Variants in ITPR1 observed in about 807,000 individuals in gnomAD.
The protein encoded by ITPR1 is inositol 1,4,5-trisphosphate receptor type 1.
Under a neutral mutation model 318.4 loss-of-function variants are expected in ITPR1, and 96 were observed. The ratio of observed to expected loss-of-function variants is 0.30; its 90% CI spans 0.26 to 0.36. ITPR1 has a LOEUF of 0.36. Among genes scored for constraint, ITPR1 ranks in the 10% least tolerant of loss-of-function variants. ITPR1 has a pLI of 1.00. For missense variants in ITPR1, 2,440 were observed against 3,460.2 expected, an observed-to-expected ratio of 0.71 and a Z score of 7.40; for synonymous variants, 1,312 against 1,289.9, an observed-to-expected ratio of 1.02 and a Z score of -0.37.
chr3:4,769,575 T>G (rs1005161635), intron 46 of ITPR1, among the ~76,000 whole-genome samples: 1 of 152,218 alleles, frequency 6.6e-6, no homozygotes, highest in African/African-American at 2.4e-5. Context: ...CCAGAAATCC[T>G]TTGTTCATTT....
chr3:4,676,933 G>T (rs1015300014), intron 24 of ITPR1, 132 bp downstream of exon 24: 3 of 650,902 alleles, frequency 4.6e-6, no homozygotes, highest in African/African-American at 1.8e-5. Context: ...TCATCCCTCC[G>T]TGTCATTTAT....
At chr3:4,551,169 G>C (rs1241426449) in intron 4 of ITPR1, among the ~76,000 whole-genome samples, 1 of 152,222 alleles carries the variant, frequency 6.6e-6, no homozygotes, top group African/African-American at 2.4e-5. Context: ...CTTCAGGGAA[G>C]TGCCTTTTCT....
chr3:4,764,447 C>T (rs2045674346), intron 44 of ITPR1, among the ~76,000 whole-genome samples: 1 of 152,160 alleles, frequency 6.6e-6, no homozygotes, highest in South Asian at 2.1e-4. Flanking sequence ...GCTCTGGGGG[C>T]AGCTGGAAAC....
chr3:4,550,887 A>G (rs901146413), intron 4 of ITPR1, among the ~76,000 whole-genome samples: 2 of 142,412 alleles, frequency 1.4e-5, no homozygotes, highest in Non-Finnish European at 3.1e-5. Flanking sequence ...CCCTGTCTTT[A>G]AAAAAAAAAA....
At chr3:4,788,287 C>A in intron 52 of ITPR1, 148 bp downstream of exon 52, 1 of 677,690 alleles carries the variant, frequency 1.5e-6, no homozygotes, top group Non-Finnish European at 2.5e-6. Flanking sequence ...GAAGTCATAA[C>A]CAGTTTTGCA....
At chr3:4,571,910 T>A (rs758142912) in intron 4 of ITPR1, among the ~76,000 whole-genome samples, 3 of 152,194 alleles carry the variant, frequency 2.0e-5, no homozygotes, top group Non-Finnish European at 4.4e-5. Context: ...TGACCCCTTG[T>A]GGCCACATCA....
At chr3:4,614,018 C>T (rs73104484) in intron 4 of ITPR1, among the ~76,000 whole-genome samples, 1,821 of 152,260 alleles carry the variant, frequency 0.012, 33 homozygotes, top group African/African-American at 0.04. Context: ...ACTCTAGTTG[C>T]GCCTGTTTTT....
chr3:4,503,412 AAATAAAAATACCTGCTTCGGGTC>A (rs2081174560), intron 2 of ITPR1, among the ~76,000 whole-genome samples: 2 of 152,154 alleles, frequency 1.3e-5, no homozygotes, highest in Admixed American at 1.3e-4. Context: ...ATAGGTGTAA[AAATAAAAATACCTGCTTCGGGTC>A]ATTGCTGCCG....
Position 4,725,727 on chromosome 3 carries a change from A to T in ITPR1, c.5172+146A>T, listed in dbSNP as rs567130904. ...GGAGGTCTCTAGGCTGGCTGGGAAC[A>T]GATCATTGCTGACGTGGATGTGGCT... On this transcript the variant is annotated intron_variant, in intron 41 of 61. Transcript: ENST00000649015. 26 of 693,544 alleles carry T rather than the reference A, an allele frequency of 3.7e-5. No homozygotes were observed. The East Asian group carries it at 7.1e-4, about 19-fold the overall frequency. 43.0% of individuals were successfully genotyped at this position (693,544 alleles called of 1,614,324 possible).
intron 61 of ITPR1, among the ~76,000 whole-genome samples, chr3:4,838,234 G>A (rs992709061): frequency 2.6e-5 from 4 of 152,188 alleles, no homozygotes; most frequent in Admixed American, 6.5e-5. Flanking sequence ...TATGAAGGTT[G>A]TCTATAGCTC....
chr3:4,537,569 A>C (rs1575453195), intron 4 of ITPR1, among the ~76,000 whole-genome samples: 1 of 152,190 alleles, frequency 6.6e-6, no homozygotes, highest in African/African-American at 2.4e-5. Context: ...AGATGGGGAG[A>C]GTATCCTGGA....
intron 4 of ITPR1, among the ~76,000 whole-genome samples, chr3:4,598,912 A>G (rs538152413): frequency 6.6e-6 from 1 of 152,112 alleles, no homozygotes; most frequent in South Asian, 2.1e-4. Flanking sequence ...CACAGTGGCC[A>G]TATCCACTAT....
In ITPR1 at chr3:4,822,905, T is replaced by C. The variant is rs112412551; in HGVS notation, c.8028+4663T>C. On this transcript the variant is annotated intron_variant, in intron 60 of 61. Coordinates refer to ENST00000649015, the MANE Select transcript of ITPR1 (RefSeq NM_001378452.1). The stretch of plus-strand genomic sequence containing the variant: ...AGATCAAGGGAAGAGGGAAAAAAAA[T>C]TTCCTTTCCCTGCGGGAACTTGAAT... Among the ~76,000 whole-genome samples the C allele has an allele frequency of 9.8e-3, 1,490 of 152,268 alleles. 25 individuals carry two copies. Among genetic ancestry groups the C allele is most frequent in the African/African-American group, 0.034 (1,414 of 41,546 alleles).
intron 5 of ITPR1, among the ~76,000 whole-genome samples, chr3:4,633,081 G>A (rs564924762): frequency 6.6e-6 from 1 of 152,094 alleles, no homozygotes; most frequent in South Asian, 2.1e-4. Context: ...TGGGACTTCA[G>A]GGGTGCGTCA....
chr3:4,551,986 A>T (rs1038694606), intron 4 of ITPR1, among the ~76,000 whole-genome samples: 30 of 152,212 alleles, frequency 2.0e-4, no homozygotes, highest in African/African-American at 7.2e-4. Context: ...GCTTGTCTTT[A>T]ATCTAGGTCT....
chr3:4,708,079 G>A (rs2094796209), intron 37 of ITPR1, among the ~76,000 whole-genome samples: 1 of 152,192 alleles, frequency 6.6e-6, no homozygotes, highest in African/African-American at 2.4e-5. Flanking sequence ...TGAGGTTAGG[G>A]ATGAGGGTCA....
At chr3:4,736,023 T>C (rs2043239654) in intron 44 of ITPR1, among the ~76,000 whole-genome samples, 1 of 152,236 alleles carries the variant, frequency 6.6e-6, no homozygotes, top group Non-Finnish European at 1.5e-5. Context: ...TCCACAACAG[T>C]CATCTTAGAA....
chr3:4,620,703 T>G (rs12495842), intron 4 of ITPR1, among the ~76,000 whole-genome samples: 1 of 140,744 alleles, frequency 7.1e-6, no homozygotes, highest in Non-Finnish European at 1.5e-5. Context: ...TTTTTTTTGG[T>G]GGTAGTGAAC....
chr3:4,736,784 C>T (rs995973800), intron 44 of ITPR1, among the ~76,000 whole-genome samples: 5 of 152,220 alleles, frequency 3.3e-5, no homozygotes, highest in African/African-American at 1.2e-4. Flanking sequence ...AGCTGAAATG[C>T]TCCTTGTCTT....
Sources: allele counts gnomAD v4.1 joint callset (sites outside exome capture counted in the v4.1 genomes callset), GRCh38; gene constraint gnomAD v4.1.1; transcripts MANE v1.5; gene names NCBI Gene and HGNC (gene_info 2026-07-23, HGNC 2026-07-21).